NALF1: variants seen among roughly 807,000 people sequenced by gnomAD.
The protein encoded by NALF1 is family with sequence similarity 155 member A.
In NALF1, 3 loss-of-function variants were observed where a neutral mutation model predicts 48.4. The ratio of observed to expected loss-of-function variants is 0.06; its 90% CI spans 0.03 to 0.16. NALF1 has a LOEUF of 0.16. Among genes scored for constraint, NALF1 ranks in the 10% least tolerant of loss-of-function variants. NALF1 has a pLI of 1.00. For missense variants in NALF1, 526 were observed against 571.5 expected (o/e 0.92, Z 0.81); for synonymous variants, 262 against 245.7 (o/e 1.07, Z -0.62).
chr13:107,686,588 T>A (rs9514725), intron 1 of NALF1, among the ~76,000 whole-genome samples: 47,285 of 151,730 alleles, frequency 0.31, 7,624 homozygotes, highest in East Asian at 0.42. Context: ...GAGACGGGGT[T>A]TCACCGTGTT....
intron 2 of NALF1, among the ~76,000 whole-genome samples, chr13:107,206,712 A>G (rs1879651556): frequency 6.6e-6 from 1 of 152,212 alleles, no homozygotes; most frequent in South Asian, 2.1e-4. Flanking sequence ...GGTACAGAGA[A>G]CGCTAAGAAA....
chr13:107,510,070 A>C (rs150995822), intron 1 of NALF1, among the ~76,000 whole-genome samples: 400 of 152,248 alleles, frequency 2.6e-3, no homozygotes, highest in Non-Finnish European at 4.4e-3. Context: ...GGGCCTCCGA[A>C]AGGGCTGGGA....
chr13:107,523,706 C>G (rs925295873), intron 1 of NALF1, among the ~76,000 whole-genome samples: 1 of 151,796 alleles, frequency 6.6e-6, no homozygotes, highest in Non-Finnish European at 1.5e-5. Flanking sequence ...TAGTACCTAT[C>G]TATGGGAATA....
chr13:107,426,832 C>G (rs963666042), intron 1 of NALF1, among the ~76,000 whole-genome samples: 3 of 151,902 alleles, frequency 2.0e-5, no homozygotes, highest in Non-Finnish European at 2.9e-5. Flanking sequence ...CTTGGAAAAA[C>G]TCAATTGATG....
chr13:107,216,981 GA>G (rs1341911381), intron 1 of NALF1, among the ~76,000 whole-genome samples: 1 of 152,210 alleles, frequency 6.6e-6, no homozygotes, highest in Non-Finnish European at 1.5e-5. Context: ...GGAAACCTAA[GA>G]AGCATTTGTC....
At chr13:107,380,879 G>A (rs1002212957) in intron 1 of NALF1, among the ~76,000 whole-genome samples, 6 of 150,432 alleles carry the variant, frequency 4.0e-5, no homozygotes, top group Non-Finnish European at 4.4e-5. Context: ...TCGGGAGGCT[G>A]AGGCAGGAGA....
intron 1 of NALF1, among the ~76,000 whole-genome samples, chr13:107,370,135 GA>G (rs34449439): frequency 0.56 from 85,017 of 151,446 alleles, 24,203 homozygotes; most frequent in East Asian, 0.73. Flanking sequence ...TTGGTTTGAG[GA>G]AAAAAAAATA....
At chr13:107,342,579 A>G (rs918122129) in intron 1 of NALF1, among the ~76,000 whole-genome samples, 1 of 152,208 alleles carries the variant, frequency 6.6e-6, no homozygotes, top group Non-Finnish European at 1.5e-5. Flanking sequence ...TACACAGCAT[A>G]TGCAGATGCC....
At chr13:107,361,503 A>T (rs1358752220) in intron 1 of NALF1, among the ~76,000 whole-genome samples, 1 of 152,170 alleles carries the variant, frequency 6.6e-6, no homozygotes, top group Non-Finnish European at 1.5e-5. Flanking sequence ...GTTAGAAAGA[A>T]TCCAGATTTA....
At chr13:107,742,544 C>T (rs1209692335) in intron 1 of NALF1, among the ~76,000 whole-genome samples, 2 of 152,176 alleles carry the variant, frequency 1.3e-5, no homozygotes, top group Non-Finnish European at 2.9e-5. Context: ...CCATGAGAAG[C>T]ATGGGTTTAC....
intron 1 of NALF1, among the ~76,000 whole-genome samples, chr13:107,584,365 A>G (rs1445220328): frequency 6.6e-6 from 1 of 152,156 alleles, no homozygotes; most frequent in East Asian, 1.9e-4. Context: ...GAAATAATTG[A>G]AAGTATTTTA....
chr13:107,283,192 T>C (rs545028376), intron 1 of NALF1, among the ~76,000 whole-genome samples: 1 of 152,118 alleles, frequency 6.6e-6, no homozygotes, highest in Non-Finnish European at 1.5e-5. Context: ...AACTAACTCA[T>C]ATAATTAGGC....
intron 1 of NALF1, among the ~76,000 whole-genome samples, chr13:107,843,138 T>G (rs1218272692): frequency 6.6e-6 from 1 of 152,206 alleles, no homozygotes; most frequent in Non-Finnish European, 1.5e-5. Context: ...CAAAGCATAT[T>G]TTATTTATCT....
intron 1 of NALF1, among the ~76,000 whole-genome samples, chr13:107,617,664 G>A (rs1274204621): frequency 6.6e-6 from 1 of 152,206 alleles, no homozygotes; most frequent in East Asian, 1.9e-4. Flanking sequence ...AGGCAGGAAA[G>A]CCTGGTAGAT....
Position 107,695,715 on chromosome 13 carries a change from G to A in NALF1, c.915+169967C>T, listed in dbSNP as rs569404216. 5.3e-5 allele frequency among the ~76,000 whole-genome samples: 8 copies of A among 152,186 alleles called. No individual in the cohort carries two copies. In the South Asian group the frequency reaches 1.5e-3, roughly 28 times the overall value. On this transcript the variant is annotated intron_variant, in intron 1 of 2. Coordinates refer to ENST00000375915, the MANE Select transcript of NALF1 (RefSeq NM_001080396.3). The stretch of plus-strand genomic sequence containing the variant: ...TCTCTCTATTATAGCACGTATCCTT[G>A]CTTATGATATCTGTGCTCCTCTAAC...
chr13:107,334,477 T>G (rs570717261), intron 1 of NALF1, among the ~76,000 whole-genome samples: 12 of 152,290 alleles, frequency 7.9e-5, no homozygotes, highest in African/African-American at 2.9e-4. Context: ...TTCTTTGATT[T>G]GCACATTCTT....
intron 1 of NALF1, among the ~76,000 whole-genome samples, chr13:107,288,263 A>G (rs1302636886): frequency 3.1e-5 from 4 of 130,418 alleles, no homozygotes; most frequent in East Asian, 2.3e-4. Context: ...TCTGTCGCCC[A>G]GGCTGGAGGG....
intron 1 of NALF1, among the ~76,000 whole-genome samples, chr13:107,356,824 A>T (rs981611493): frequency 3.9e-5 from 6 of 152,218 alleles, no homozygotes; most frequent in Non-Finnish European, 8.8e-5. Flanking sequence ...ATCAACCAGG[A>T]CCAACACATT....
intron 1 of NALF1, among the ~76,000 whole-genome samples, chr13:107,826,883 T>C (rs551107249): frequency 2.0e-5 from 3 of 152,192 alleles, no homozygotes; most frequent in Admixed American, 6.5e-5. Context: ...GGAAAAGATA[T>C]GGAGTGAATT....
Sources: allele counts gnomAD v4.1 joint callset (sites outside exome capture counted in the v4.1 genomes callset), GRCh38; gene constraint gnomAD v4.1.1; transcripts MANE v1.5; gene names NCBI Gene and HGNC (gene_info 2026-07-23, HGNC 2026-07-21).